ARHGAP31: variants seen among roughly 807,000 people sequenced by gnomAD.
ARHGAP31 encodes Rho GTPase activating protein 31.
In ARHGAP31, 34 loss-of-function variants were observed where a neutral mutation model predicts 113.9. That is an observed-to-expected ratio of 0.30 (90% CI 0.23 to 0.40). ARHGAP31 has a LOEUF of 0.40. Ranked by LOEUF, ARHGAP31 falls within the 10% of genes least tolerant of loss-of-function variation. The pLI is 1.00. For synonymous variants in ARHGAP31, 650 were observed against 684.8 expected (o/e 0.95, Z 0.79); for missense variants, 1,548 against 1,767.1 (o/e 0.88, Z 2.22).
intron 8 of ARHGAP31, among the ~76,000 whole-genome samples, chr3:119,395,457 C>A (rs773561128): frequency 6.6e-6 from 1 of 152,210 alleles, no homozygotes; most frequent in Non-Finnish European, 1.5e-5. Flanking sequence ...GCTGTGTCCC[C>A]CTTTGGGTCA....
At chr3:119,382,672 A>T (rs914669920) in intron 5 of ARHGAP31, among the ~76,000 whole-genome samples, 2 of 152,192 alleles carry the variant, frequency 1.3e-5, no homozygotes, top group Non-Finnish European at 2.9e-5. Flanking sequence ...TTTCTTGAAA[A>T]GGCCTTTATT....
chr3:119,384,752 A>G (rs970085056), intron 6 of ARHGAP31, among the ~76,000 whole-genome samples: 16 of 152,196 alleles, frequency 1.1e-4, no homozygotes, highest in Admixed American at 5.9e-4. Context: ...TTCCCAACAC[A>G]TGAACTTTGG....
chr3:119,343,898 T>C (rs1248690694), intron 1 of ARHGAP31, among the ~76,000 whole-genome samples: 1 of 152,220 alleles, frequency 6.6e-6, no homozygotes, highest in Non-Finnish European at 1.5e-5. Context: ...CTTTTCTCAG[T>C]TCCTCCTCCT....
rs200233879 is a variant in ARHGAP31 at position 119,402,182 on chromosome 3, C to A, written c.1430C>A (p.Pro477Gln). The A allele has an allele frequency of 1.9e-6, 3 of 1,614,278 alleles. No homozygotes were observed. The highest frequency in any genetic ancestry group is 2.5e-6 in the Non-Finnish European group (3 of 1,180,054). Reference sequence around the variant, plus strand: ...AGCCTCTTCCAGATGGAGCCCTCGCCGCGTAACCAGCGCAAGGCGCTGAAC... The same window carrying A: ...AGCCTCTTCCAGATGGAGCCCTCGCAGCGTAACCAGCGCAAGGCGCTGAAC... ...TSSLFQMEPSPRNQRKALNIS... is the reference protein window; with the variant it reads ...TSSLFQMEPSQRNQRKALNIS... Residue 477 changes from proline (P) to glutamine (Q), a missense_variant, in exon 10 of 12, where the codon CCG (proline) becomes CAG (glutamine). Coordinates refer to ENST00000264245, the MANE Select transcript of ARHGAP31 (RefSeq NM_020754.4).
Position 119,383,168 on chromosome 3 carries a change from A to G in ARHGAP31, c.624A>G (p.Ile208Met). 6.2e-7 allele frequency: 1 copy of G among 1,614,184 alleles called. No homozygotes were observed. Among genetic ancestry groups the G allele is most frequent in the Non-Finnish European group, 8.5e-7 (1 of 1,180,028 alleles). ...TCCAGCAGGTGGTGATTGAGTTCAT[A>G]TTGAATCATGTAGATCAAATCTTTA... Reference protein sequence around the residue: ...VRVQQVVIEFILNHVDQIFNN... With the variant: ...VRVQQVVIEFMLNHVDQIFNN... The change falls in exon 6 of 12, where the codon ATA becomes ATG. Residue 208 changes from isoleucine to methionine, a missense_variant. Transcript: ENST00000264245.
chr3:119,314,416 T>C (rs1278589700), intron 1 of ARHGAP31: 2 of 152,334 alleles, frequency 1.3e-5, no homozygotes, highest in African/African-American at 4.8e-5. Flanking sequence ...AGACTCTGAA[T>C]GATCCTGGGT....
At chr3:119,350,521 C>T (rs965813184) in intron 1 of ARHGAP31, among the ~76,000 whole-genome samples, 3 of 152,174 alleles carry the variant, frequency 2.0e-5, no homozygotes, top group Non-Finnish European at 4.4e-5. Flanking sequence ...TTAGGAAGCT[C>T]TACAGCCTGG....
At chr3:119,408,293 T>G (rs1026382712) in intron 10 of ARHGAP31, among the ~76,000 whole-genome samples, 23 of 152,220 alleles carry the variant, frequency 1.5e-4, no homozygotes, top group African/African-American at 5.5e-4. Context: ...TAAAACTGAA[T>G]TTCAGGAAAT....
chr3:119,399,342 C>T lies in ARHGAP31; in HGVS notation c.1069+81C>T. ...CACTTGCCTTTATAAGCTGTCATGC[C>T]TGCTTCTCTATAGTCACAGTCACAC... is the stretch of plus-strand genomic sequence containing the variant. On this transcript the variant is annotated intron_variant, in intron 9 of 11. Transcript: ENST00000264245. The T allele has an allele frequency of 4.2e-6, 5 of 1,203,608 alleles. No individual in the cohort carries two copies. The South Asian group carries it at 6.2e-5, about 15-fold the overall frequency. The allele number at this position is 1,203,608 out of a possible 1,614,324, so 74.6% of individuals were successfully genotyped here.
chr3:119,327,145 C>G (rs2079852267), intron 1 of ARHGAP31, among the ~76,000 whole-genome samples: 1 of 150,242 alleles, frequency 6.7e-6, no homozygotes, highest in Non-Finnish European at 1.5e-5. Flanking sequence ...GTCTCAAAAA[C>G]AGAAGCAAAA....
rs113212997 is a variant in ARHGAP31 at position 119,384,928 on chromosome 3, CT to C, written c.682+1717del. Among the ~76,000 whole-genome samples the C allele has an allele frequency of 4.9e-3, 689 of 141,444 alleles. 2 individuals are homozygous for C. The highest frequency in any genetic ancestry group is 9.2e-3 in the African/African-American group (356 of 38,678). The allele number at this position is 141,444 out of a possible 152,430, so 92.8% of individuals were successfully genotyped here. A position where few individuals can be genotyped will look rare whatever the true frequency, so the allele number is the denominator to read the frequency against. On this transcript the variant is annotated intron_variant, in intron 6 of 11. Transcript: ENST00000264245. The stretch of plus-strand genomic sequence containing the variant: ...TCATGCCATATATGGTCTTTGGTGA[CT>C]TTTTTTTTTTTTTTGGATGGAGTCT...
intron 3 of ARHGAP31, among the ~76,000 whole-genome samples, chr3:119,377,019 A>G (rs1345705681): frequency 6.6e-6 from 1 of 152,204 alleles, no homozygotes; most frequent in South Asian, 2.1e-4. Flanking sequence ...GTTCATCACT[A>G]TGGGTAATGA....
intron 1 of ARHGAP31, among the ~76,000 whole-genome samples, chr3:119,308,955 C>T (rs1246631147): frequency 6.6e-6 from 1 of 152,164 alleles, no homozygotes; most frequent in Admixed American, 6.5e-5. Context: ...ATCCTCCCGC[C>T]TCATCCCCCC....
intron 1 of ARHGAP31, among the ~76,000 whole-genome samples, chr3:119,331,965 T>A (rs1436851153): frequency 2.0e-5 from 3 of 152,162 alleles, no homozygotes; most frequent in Non-Finnish European, 4.4e-5. Context: ...TCCTTTCTAC[T>A]ACTGAGCTGA....
intron 10 of ARHGAP31, among the ~76,000 whole-genome samples, chr3:119,405,188 AT>A (rs908655153): frequency 1.3e-5 from 2 of 151,742 alleles, no homozygotes; most frequent in East Asian, 1.9e-4. Context: ...GTTTTGCCCT[AT>A]TTTTTTTAAT....
chr3:119,348,975 A>G (rs371601304), intron 1 of ARHGAP31, among the ~76,000 whole-genome samples: 67 of 152,336 alleles, frequency 4.4e-4, no homozygotes, highest in African/African-American at 1.6e-3. Flanking sequence ...GGTTCCCCAT[A>G]GGAGGCATTT....
At chr3:119,362,272 T>G (rs1553763593) in intron 1 of ARHGAP31, among the ~76,000 whole-genome samples, 2 of 152,224 alleles carry the variant, frequency 1.3e-5, no homozygotes, top group South Asian at 2.1e-4. Flanking sequence ...AGCCATGCAC[T>G]GTGGTACAGA....
intron 1 of ARHGAP31, among the ~76,000 whole-genome samples, chr3:119,333,736 C>G (rs944680012): frequency 2.0e-5 from 3 of 152,150 alleles, no homozygotes; most frequent in African/African-American, 7.2e-5. Context: ...AGGATAGAAC[C>G]TAGTTCCGAC....
intron 1 of ARHGAP31, among the ~76,000 whole-genome samples, chr3:119,303,833 C>T (rs550980319): frequency 3.7e-4 from 56 of 151,792 alleles, no homozygotes; most frequent in Admixed American, 3.0e-3. Context: ...CTCGCAGTGT[C>T]GCCCGGGCTG....
Sources: allele counts gnomAD v4.1 joint callset (sites outside exome capture counted in the v4.1 genomes callset), GRCh38; gene constraint gnomAD v4.1.1; transcripts MANE v1.5; gene names NCBI Gene and HGNC (gene_info 2026-07-23, HGNC 2026-07-21).